The following RUNX1 variants were observed in gnomAD, a reference collection of about 807,000 sequenced individuals.
RUNX1 encodes runt-related transcription factor 1.
In RUNX1, 19 loss-of-function variants were observed where a neutral mutation model predicts 42.8. The observed-to-expected ratio is 0.44, with a 90% CI of 0.31 to 0.65. The LOEUF is 0.65. RUNX1 is among the 30% of genes least tolerant of loss of function. The probability of loss-of-function intolerance (pLI) is 0.07; values close to 1 mark genes in which losing one functional copy is unlikely to be tolerated. For missense variants in RUNX1, 528 were observed against 672.0 expected (o/e 0.79, Z 2.37); for synonymous variants, 271 against 289.4 (o/e 0.94, Z 0.64).
At chr21:34,984,334 T>A (rs1445381850) in intron 2 of RUNX1, among the ~76,000 whole-genome samples, 2 of 152,182 alleles carry the variant, frequency 1.3e-5, no homozygotes, top group African/African-American at 4.8e-5. Flanking sequence ...GCCTAGACTA[T>A]AAGCCCCAGA....
At position 34,790,246 on chromosome 21, in the gene RUNX1, C is replaced by A. The variant is rs1285019514; in HGVS notation, c.*1889G>T. On this transcript the variant is annotated 3_prime_UTR_variant, in exon 9 of 9. Transcript: ENST00000675419. ...TAATCAATATATATATAAGAAAACT[C>A]AAAAACAAGTTGTTTTAAATAAGTC... The A allele has an allele frequency of 4.3e-6, 1 of 233,382 alleles. No homozygotes were observed. The highest frequency in any genetic ancestry group is 8.5e-6 in the Non-Finnish European group (1 of 117,896). The allele number at this position is 233,382 out of a possible 1,614,324, so 14.5% of individuals were successfully genotyped here.
chr21:34,835,080 G>A (rs1470464844), intron 6 of RUNX1, among the ~76,000 whole-genome samples: 1 of 152,034 alleles, frequency 6.6e-6, no homozygotes, highest in Non-Finnish European at 1.5e-5. Context: ...AGTGGGCCCC[G>A]CAGCTTAGTG....
intron 2 of RUNX1, among the ~76,000 whole-genome samples, chr21:34,902,647 A>T (rs1391366229): frequency 6.6e-6 from 1 of 152,214 alleles, no homozygotes; most frequent in Non-Finnish European, 1.5e-5. Flanking sequence ...CATGCAATTA[A>T]CATGAACCCC....
intron 2 of RUNX1, among the ~76,000 whole-genome samples, chr21:35,015,955 T>C (rs1187375506): frequency 1.3e-5 from 2 of 152,214 alleles, no homozygotes; most frequent in Admixed American, 6.5e-5. Context: ...ACAGAAATTA[T>C]CAAATGTGTA....
At chr21:35,003,159 T>A (rs975265089) in intron 2 of RUNX1, among the ~76,000 whole-genome samples, 7 of 152,224 alleles carry the variant, frequency 4.6e-5, no homozygotes, top group Non-Finnish European at 7.3e-5. Flanking sequence ...TCAGAATACA[T>A]TTGAAATCAT....
At chr21:35,048,521 G>A (rs1203557141) in intron 2 of RUNX1, among the ~76,000 whole-genome samples, 4 of 152,366 alleles carry the variant, frequency 2.6e-5, no homozygotes, top group African/African-American at 9.6e-5. Context: ...AACCCAGGGA[G>A]CTTCGTGCAA....
At chr21:34,836,899 C>T (rs986284725) in intron 6 of RUNX1, among the ~76,000 whole-genome samples, 5 of 152,190 alleles carry the variant, frequency 3.3e-5, no homozygotes, top group African/African-American at 9.7e-5. Flanking sequence ...AGCCAGCAAG[C>T]GTGGGGACCT....
intron 7 of RUNX1, among the ~76,000 whole-genome samples, chr21:34,809,183 A>G (rs1192441164): frequency 6.6e-6 from 1 of 152,000 alleles, no homozygotes; most frequent in Non-Finnish European, 1.5e-5. Flanking sequence ...CCAGCACATC[A>G]TGGATGTTTA....
Position 34,792,609 on chromosome 21 carries a change from C to T in RUNX1, c.969G>A (p.Thr323=), listed in dbSNP as rs768331461. 6 of 1,582,550 alleles carry T rather than the reference C, an allele frequency of 3.8e-6. No homozygotes were observed. The highest frequency in any genetic ancestry group is 5.1e-6 in the Non-Finnish European group (6 of 1,165,076). ...CGCTGAACGCTGTCAGGTCGGGTGC[C>T]GCTGCAGGGCGGGCAAGAGAACGGA... The part of the protein sequence containing the change: ...LSAELSSRLS[T]APDLTAFSDP... Residue 323 remains threonine (T), a splice_region_variant and synonymous_variant, in exon 9 of 9, where the codon ACG becomes ACA. Coordinates refer to ENST00000675419, the MANE Select transcript of RUNX1 (RefSeq NM_001754.5). This position sits in a 1 kb window ranked among gnomAD's most constrained non-coding sequence, Gnocchi z 6.9.
intron 6 of RUNX1, among the ~76,000 whole-genome samples, chr21:34,840,938 C>T (rs2057225475): frequency 6.6e-6 from 1 of 152,166 alleles, no homozygotes. Context: ...CTGCTTTCAC[C>T]CCTCCCCCTC....
At chr21:35,036,714 T>C (rs1438925037) in intron 2 of RUNX1, among the ~76,000 whole-genome samples, 2 of 152,230 alleles carry the variant, frequency 1.3e-5, no homozygotes, top group African/African-American at 4.8e-5. Context: ...CGTGTGCATC[T>C]CAACTCTTGT....
At chr21:34,900,122 T>A (rs1053278359) in intron 2 of RUNX1, among the ~76,000 whole-genome samples, 2 of 152,258 alleles carry the variant, frequency 1.3e-5, no homozygotes, top group African/African-American at 4.8e-5. Context: ...TAAATTTTAA[T>A]ATGTTTTATT....
intron 2 of RUNX1, among the ~76,000 whole-genome samples, chr21:34,948,920 G>A (rs908620161): frequency 6.6e-6 from 1 of 151,904 alleles, no homozygotes; most frequent in Non-Finnish European, 1.5e-5. Context: ...TACTTTTTGT[G>A]TGTGTGTGTA....
rs939793954 is a variant in RUNX1, at chr21:34,788,466, TAA to T, written c.*3667_*3668del. 8.6e-6 allele frequency: 2 copies of T among 233,048 alleles called. No individual in the cohort carries two copies. The highest frequency in any genetic ancestry group is 4.4e-5 in the African/African-American group (2 of 45,322). 14.4% of individuals were successfully genotyped at this position (233,048 alleles called of 1,614,324 possible). On this transcript the variant is annotated 3_prime_UTR_variant, in exon 9 of 9. Coordinates refer to ENST00000675419, the MANE Select transcript of RUNX1 (RefSeq NM_001754.5). The stretch of plus-strand genomic sequence containing the variant: ...AAAGTGAATAAGAAGTAGCTCATTT[TAA>T]AGTCTAAAATAAACAAAGTAGAAAG...
intron 6 of RUNX1, 46 bp downstream of exon 6, chr21:34,859,428 G>T (rs767055903): frequency 2.3e-6 from 3 of 1,308,432 alleles, no homozygotes; most frequent in Non-Finnish European, 3.3e-6. Context: ...AGCCTGGAGG[G>T]TGTACCAGCC....
At chr21:35,030,115 G>A (rs542621640) in intron 2 of RUNX1, among the ~76,000 whole-genome samples, 33 of 152,272 alleles carry the variant, frequency 2.2e-4, no homozygotes, top group African/African-American at 7.0e-4. Context: ...AGGCCAAGGC[G>A]GGTGGATCAC....
chr21:34,838,346 A>G (rs775439575), intron 6 of RUNX1, among the ~76,000 whole-genome samples: 1 of 152,224 alleles, frequency 6.6e-6, no homozygotes, highest in Non-Finnish European at 1.5e-5. Flanking sequence ...TCAACAACAT[A>G]TTAGTCTATG....
chr21:34,848,046 C>A (rs2057342221), intron 6 of RUNX1, among the ~76,000 whole-genome samples: 1 of 152,118 alleles, frequency 6.6e-6, no homozygotes, highest in South Asian at 2.1e-4. Flanking sequence ...CCGTCTAGAG[C>A]ATGTGCTTTA....
chr21:35,013,391 A>C (rs1199273896), intron 2 of RUNX1, among the ~76,000 whole-genome samples: 2 of 152,224 alleles, frequency 1.3e-5, no homozygotes, highest in African/African-American at 2.4e-5. Context: ...ATATCAACTG[A>C]GTTTATTCAT....
Sources: allele counts gnomAD v4.1 joint callset (sites outside exome capture counted in the v4.1 genomes callset), GRCh38; gene constraint gnomAD v4.1.1; non-coding constraint Gnocchi (gnomAD v3.1); transcripts MANE v1.5; gene names NCBI Gene and HGNC (gene_info 2026-07-23, HGNC 2026-07-21).